Variants in SF3B3 observed in about 807,000 individuals in gnomAD.
The protein encoded by SF3B3 is SAP 130.
Under a neutral mutation model 139.2 loss-of-function variants are expected in SF3B3, and 33 were observed. The observed-to-expected ratio is 0.24, with a 90% CI of 0.18 to 0.32. SF3B3 has a LOEUF of 0.32. SF3B3 is among the 10% of genes least tolerant of loss of function. SF3B3 has a pLI of 1.00. For missense variants in SF3B3, 818 were observed against 1,509.4 expected (o/e 0.54, Z 7.59); for synonymous variants, 596 against 563.6 (o/e 1.06, Z -0.81).
At chr16:70,526,454 G>C (rs541272452) in intron 1 of SF3B3, 133 bp from the exon 2 acceptor site, 5 of 523,888 alleles carry the variant, frequency 9.5e-6, no homozygotes, top group East Asian at 9.5e-5. Context: ...GAGCCACCAC[G>C]CCCGGTCACA....
rs775851220 is a variant in SF3B3 at position 70,551,689 on chromosome 16, C to A, written c.1403-2757C>A. 6.6e-5 allele frequency among the ~76,000 whole-genome samples: 10 copies of A among 152,048 alleles called. No homozygotes were observed. In the South Asian group the frequency reaches 1.9e-3, roughly 28 times the overall value. On this transcript the variant is annotated intron_variant, in intron 11 of 25. Coordinates refer to ENST00000302516, the MANE Select transcript of SF3B3 (RefSeq NM_012426.5). ...TGTACTCCAGCCTGGGCAACCAGAGCGAAACTCTCTCCAAAAAAAAACTAA... is the reference window on the plus strand; with the variant it reads ...TGTACTCCAGCCTGGGCAACCAGAGAGAAACTCTCTCCAAAAAAAAACTAA...
chr16:70,523,847 A>G lies in SF3B3; in HGVS notation c.-152A>G, dbSNP rs1033061638. ...GTCTTGAGGTCTAATGGCGGACGCC[A>G]GTATGTTGGAGTTGGTGGTGGCTTA... On this transcript the variant is annotated 5_prime_UTR_variant, in exon 1 of 26. Transcript: ENST00000302516. 5.8e-6 allele frequency: 3 copies of G among 520,622 alleles called. No homozygotes were observed. The highest frequency in any genetic ancestry group is 3.9e-5 in the African/African-American group (2 of 50,840). 32.3% of individuals were successfully genotyped at this position (520,622 alleles called of 1,614,324 possible).
At chr16:70,532,949 T>C (rs180850882) in intron 5 of SF3B3, among the ~76,000 whole-genome samples, 1 of 152,278 alleles carries the variant, frequency 6.6e-6, no homozygotes, top group East Asian at 1.9e-4. Flanking sequence ...CCTAACTCTT[T>C]CAAAAGCCAA....
Position 70,570,026 on chromosome 16 carries a change from C to T in SF3B3, c.3285C>T (p.Tyr1095=), listed in dbSNP as rs773344525. ...CACAGGCAGAGGTGATCATGAACTACCATGTCGGGGAGACGGTGCTGTCCT... is the reference window on the plus strand; with the variant it reads ...CACAGGCAGAGGTGATCATGAACTATCATGTCGGGGAGACGGTGCTGTCCT... ...ASQKAEVIMN[Y]HVGETVLSLQ... The change falls in exon 24 of 26, where the codon TAC becomes TAT. Residue 1095 remains tyrosine, a synonymous_variant. Transcript: ENST00000302516. The T allele has an allele frequency of 2.7e-5, 43 of 1,613,968 alleles. No individual in the cohort carries two copies. The highest frequency in any genetic ancestry group is 3.6e-5 in the Non-Finnish European group (42 of 1,179,992).
intron 11 of SF3B3, among the ~76,000 whole-genome samples, chr16:70,553,822 G>A (rs1567419343): frequency 6.6e-6 from 1 of 152,148 alleles, no homozygotes; most frequent in South Asian, 2.1e-4. Context: ...GGATTGTTCT[G>A]TTTCTAAATA....
chr16:70,562,555 A>T (rs927670075), intron 17 of SF3B3, among the ~76,000 whole-genome samples: 1 of 152,116 alleles, frequency 6.6e-6, no homozygotes, highest in African/African-American at 2.4e-5. Context: ...ACATCACTTA[A>T]TATTTTTTTA....
intron 2 of SF3B3, chr16:70,526,960 G>A (rs918110004): frequency 3.5e-6 from 2 of 576,976 alleles, no homozygotes; most frequent in Non-Finnish European, 6.1e-6. Context: ...ACTTTTCTTG[G>A]CTGCTTACCT....
Position 70,565,213 on chromosome 16 carries a change from C to G in SF3B3, c.2612C>G (p.Pro871Arg), listed in dbSNP as rs1480104875. The stretch of plus-strand genomic sequence containing the variant: ...GCCTCTGTGATCCGAGTGATGAATC[C>G]CATTCAAGGGAACACACTGGACCTT... Reference protein sequence around the residue: ...QWASVIRVMNPIQGNTLDLVQ... With the variant: ...QWASVIRVMNRIQGNTLDLVQ... Residue 871 changes from proline (P) to arginine (R), a missense_variant, in exon 19 of 26, where the codon CCC (proline) becomes CGC (arginine). Pro to Arg is a moderately radical substitution (Grantham distance 103). Transcript: ENST00000302516. 1 of 1,614,176 alleles carries G rather than the reference C, an allele frequency of 6.2e-7. No homozygotes were observed. Among genetic ancestry groups the G allele is most frequent in the Admixed American group, 1.7e-5 (1 of 60,028 alleles).
Position 70,532,489 on chromosome 16 carries a change from A to G in SF3B3, c.581A>G (p.Asn194Ser), listed in dbSNP as rs200284442. The G allele has an allele frequency of 3.6e-5, 58 of 1,613,948 alleles. No individual in the cohort carries two copies. The Middle Eastern group carries it at 1.5e-3, about 41-fold the overall frequency. ...CACTATTCTCTGTAGGAAGCAGACA[A>G]TGATCCAACAGGGGAAGCAGCAGCT... ...CLEMDYEEADNDPTGEAAANT... is the reference protein window; with the variant it reads ...CLEMDYEEADSDPTGEAAANT... The change falls in exon 5 of 26, where the codon AAT (asparagine) becomes AGT (serine). Residue 194 changes from asparagine (N) to serine (S), a missense_variant. Around this residue, in one of 14 missense-constraint regions of SF3B3, gnomAD observed 144 missense variants for 259.2 expected, o/e 0.56. Coordinates refer to ENST00000302516, the MANE Select transcript of SF3B3 (RefSeq NM_012426.5).
chr16:70,535,775 A>G (rs1257939731), intron 6 of SF3B3, among the ~76,000 whole-genome samples: 1 of 147,362 alleles, frequency 6.8e-6, no homozygotes, highest in Admixed American at 6.7e-5. Flanking sequence ...CAACATTTTT[A>G]TTTTGAAAAT....
At chr16:70,547,382 T>TA (rs1212843139) in intron 10 of SF3B3, among the ~76,000 whole-genome samples, 4 of 152,206 alleles carry the variant, frequency 2.6e-5, no homozygotes, top group South Asian at 2.1e-4. Context: ...TTTAAATTTA[T>TA]AAAAAAATTG....
intron 9 of SF3B3, among the ~76,000 whole-genome samples, chr16:70,543,248 A>G (rs979993894): frequency 1.3e-5 from 2 of 151,416 alleles, no homozygotes; most frequent in African/African-American, 4.9e-5. Flanking sequence ...TCTCTACTAA[A>G]AGAAATACAA....
chr16:70,535,459 A>G (rs932238790), intron 6 of SF3B3, 39 bp downstream of exon 6: 6 of 1,248,670 alleles, frequency 4.8e-6, no homozygotes, highest in Non-Finnish European at 6.9e-6. Context: ...ATTTGTGTTT[A>G]ATTTTTGTGA....
chr16:70,527,842 C>T (rs1338669104), intron 2 of SF3B3, among the ~76,000 whole-genome samples: 1 of 152,186 alleles, frequency 6.6e-6, no homozygotes, highest in African/African-American at 2.4e-5. Context: ...GTGGTGTGAT[C>T]TTGGCTCACT....
chr16:70,535,535 G>T (rs1458797178), intron 6 of SF3B3, 115 bp downstream of exon 6: 13 of 528,812 alleles, frequency 2.5e-5, no homozygotes, highest in Non-Finnish European at 3.7e-5. Context: ...AAAATTCAGT[G>T]ACCCTGGGGC....
chr16:70,571,640 AT>A, intron 25 of SF3B3, 32 bp from the exon 26 acceptor site: 5 of 1,587,920 alleles, frequency 3.1e-6, no homozygotes, highest in Admixed American at 1.9e-5. Context: ...GCATCTCACC[AT>A]TTTTTTTCTT....
At chr16:70,563,359 G>A (rs546682703) in intron 17 of SF3B3, among the ~76,000 whole-genome samples, 2 of 152,266 alleles carry the variant, frequency 1.3e-5, no homozygotes, top group South Asian at 4.1e-4. Context: ...CCTGGGTTCT[G>A]CTCATTTTGC....
At chr16:70,543,551 TAAA>T (rs2050240135) in intron 9 of SF3B3, among the ~76,000 whole-genome samples, 1 of 150,002 alleles carries the variant, frequency 6.7e-6, no homozygotes, top group Non-Finnish European at 1.5e-5. Context: ...CTACTAAAAA[TAAA>T]AAAACTAGCA....
Position 70,526,609 on chromosome 16 carries a change from G to A in SF3B3, c.-48G>A, listed in dbSNP as rs754116731. On this transcript the variant is annotated 5_prime_UTR_variant, in exon 2 of 26. Transcript: ENST00000302516. ...TAGCTTTCTTGGACTCCGTACTGTT[G>A]GTGTAACCAAGGCCTGGAGGTCTGG... is the stretch of plus-strand genomic sequence containing the variant. 7.3e-7 allele frequency: 1 copy of A among 1,367,962 alleles called. No homozygotes were observed. Among genetic ancestry groups the A allele is most frequent in the Non-Finnish European group, 1.0e-6 (1 of 963,280 alleles). The allele number at this position is 1,367,962 out of a possible 1,614,324, so 84.7% of individuals were successfully genotyped here.
Sources: allele counts gnomAD v4.1 joint callset (sites outside exome capture counted in the v4.1 genomes callset), GRCh38; gene constraint gnomAD v4.1.1; regional missense constraint gnomAD v4.1.1; transcripts MANE v1.5; gene names NCBI Gene and HGNC (gene_info 2026-07-23, HGNC 2026-07-21).